The following RSRP1 variants were observed in gnomAD, a reference collection of about 807,000 sequenced individuals.
The protein encoded by RSRP1 is arginine and serine rich protein 1.
A neutral mutation model predicts 33.0 loss-of-function variants in RSRP1; 37 were observed. The ratio of observed to expected loss-of-function variants is 1.12; its 90% CI spans 0.86 to 1.48. The LOEUF is 1.48. RSRP1 is among the 40% of genes most tolerant of loss of function. RSRP1 has a pLI of 0.00. For missense variants in RSRP1, 402 were observed against 385.3 expected (o/e 1.04, Z -0.36); for synonymous variants, 167 against 158.7 (o/e 1.05, Z -0.40).
At chr1:25,286,887 GTC>G in intron 1 of RSRP1, among the ~76,000 whole-genome samples, 1 of 134,608 alleles carries the variant, frequency 7.4e-6, no homozygotes, top group East Asian at 1.9e-4. Flanking sequence ...GAGGTCAGGA[GTC>G]CGAGACCAAC....
rs2986167 is a variant in RSRP1, at chr1:25,300,575, C to T, written c.-67+37403G>A. ...CTGTAATCCCAGCACTTTGGGAGGC[C>T]GAGGCGGGTGGATCGCCTGAGGTCA... On this transcript the variant is annotated intron_variant, in intron 1 of 1. Coordinates refer to the RSRP1 transcript ENST00000561867. 4.7e-5 allele frequency among the ~76,000 whole-genome samples: 6 copies of T among 127,374 alleles called. 2 individuals carry two copies. Among genetic ancestry groups the T allele is most frequent in the African/African-American group, 1.3e-4 (5 of 37,076 alleles). 83.6% of individuals were successfully genotyped at this position (127,374 alleles called of 152,430 possible). A position where few individuals can be genotyped will look rare whatever the true frequency, so the allele number is the denominator to read the frequency against.
In RSRP1 at chr1:25,319,820, G is replaced by A. The variant is rs1400487936; in HGVS notation, c.-67+18158C>T. Among the ~76,000 whole-genome samples, 3 of 132,350 alleles carry A rather than the reference G, an allele frequency of 2.3e-5. 1 individual carries two copies. The highest frequency in any genetic ancestry group is 7.7e-5 in the African/African-American group (3 of 38,906). 86.8% of individuals were successfully genotyped at this position (132,350 alleles called of 152,430 possible). The stretch of plus-strand genomic sequence containing the variant: ...AGATTAGAAATAGCAGATTAGAGGT[G>A]GGCTAGGTTTCTAGAGGTAAAGTAC... On this transcript the variant is annotated intron_variant, in intron 1 of 1. Transcript: ENST00000561867.
At chr1:25,292,573 A>C (rs1239274969) in intron 1 of RSRP1, among the ~76,000 whole-genome samples, 1 of 129,278 alleles carries the variant, frequency 7.7e-6, no homozygotes, top group African/African-American at 2.6e-5. Context: ...TGAGATGGGG[A>C]ATGTTGGGGT....
Position 25,321,366 on chromosome 1 carries a change from T to G in RSRP1, c.-67+16612A>C, listed in dbSNP as rs1289203383. 2.6e-5 allele frequency among the ~76,000 whole-genome samples: 3 copies of G among 115,954 alleles called. 1 individual carries two copies. The highest frequency in any genetic ancestry group is 6.0e-5 in the Non-Finnish European group (3 of 49,822). The allele number at this position is 115,954 out of a possible 152,430, so 76.1% of individuals were successfully genotyped here. On this transcript the variant is annotated intron_variant, in intron 1 of 1. Coordinates refer to the RSRP1 transcript ENST00000561867. ...CTTTTTTTCAAAAAAAAAAAAAAAA[T>G]GTCTACAGAATCGGCCAGGTGTGGT... is the stretch of plus-strand genomic sequence containing the variant.
chr1:25,306,913 C>A lies in RSRP1; in HGVS notation c.-67+31065G>T, dbSNP rs776946740. On this transcript the variant is annotated intron_variant, in intron 1 of 1. Transcript: ENST00000561867. The stretch of plus-strand genomic sequence containing the variant: ...GCCCCTACCTTGGATGGATTTATCA[C>A]CTCTCCAGGCCACCTCTTCTTTCCA... 41 of 633,456 alleles carry A rather than the reference C, an allele frequency of 6.5e-5. 9 individuals are homozygous for A. Among genetic ancestry groups the A allele is most frequent in the Non-Finnish European group, 1.0e-4 (35 of 346,460 alleles). 39.2% of individuals were successfully genotyped at this position (633,456 alleles called of 1,614,324 possible).
At chr1:25,288,431 C>T (rs1642229779) in intron 1 of RSRP1, among the ~76,000 whole-genome samples, 1 of 128,392 alleles carries the variant, frequency 7.8e-6, no homozygotes, top group Admixed American at 7.6e-5. Flanking sequence ...CCTCCCACCT[C>T]AGCCTCCCAA....
At chr1:25,244,084 C>T (rs951851092) in intron 3 of RSRP1, 121 of 1,206,454 alleles carry the variant, frequency 1.0e-4, no homozygotes, top group Non-Finnish European at 1.2e-4. Flanking sequence ...GCCCCCGAGA[C>T]GGGAGTCTTG....
In RSRP1 at chr1:25,294,338, A is replaced by G; in HGVS notation, c.-67+43640T>C. The G allele has an allele frequency of 2.8e-6, 3 of 1,084,850 alleles. 1 individual carries two copies. Among genetic ancestry groups the G allele is most frequent in the South Asian group, 1.3e-5 (1 of 79,498 alleles). The allele number at this position is 1,084,850 out of a possible 1,614,324, so 67.2% of individuals were successfully genotyped here. A position where few individuals can be genotyped will look rare whatever the true frequency, so the allele number is the denominator to read the frequency against. On this transcript the variant is annotated intron_variant, in intron 1 of 1. Transcript: ENST00000561867. ...CAACTTGTCCAAGGCCCCAGTGACC[A>G]TGAAGAGTGAGGGCTGCAGCCAGGG...
Position 25,293,074 on chromosome 1 carries a change from G to A in RSRP1, c.-67+44904C>T, listed in dbSNP as rs529665476. ...TTGGCCAGGAGACCTTGGCATGCAT[G>A]GTTGTAGAGGAGGATGAAGGCAACA... On this transcript the variant is annotated intron_variant, in intron 1 of 1. Transcript: ENST00000561867. Among the ~76,000 whole-genome samples the A allele has an allele frequency of 3.8e-5, 5 of 131,442 alleles. 2 individuals carry two copies. Among genetic ancestry groups the A allele is most frequent in the Non-Finnish European group, 8.9e-5 (5 of 55,900 alleles). The allele number at this position is 131,442 out of a possible 152,430, so 86.2% of individuals were successfully genotyped here. A position where few individuals can be genotyped will look rare whatever the true frequency, so the allele number is the denominator to read the frequency against.
intron 1 of RSRP1, 22 bp from the exon 2 acceptor site, chr1:25,247,051 A>T (rs1353619647): frequency 7.5e-7 from 1 of 1,339,192 alleles, no homozygotes; most frequent in Admixed American, 2.5e-5. Context: ...AGAGAGAAAA[A>T]ACAAGTCGAG....
upstream of RSRP1, among the ~76,000 whole-genome samples, chr1:25,251,463 G>A (rs923469046): frequency 8.6e-5 from 13 of 151,506 alleles, no homozygotes; most frequent in African/African-American, 2.9e-4. Flanking sequence ...TCTGCCTCCC[G>A]GATTCAAGCA....
intron 1 of RSRP1, among the ~76,000 whole-genome samples, chr1:25,295,797 T>A (rs2986163): frequency 0.82 from 79,310 of 97,284 alleles, 33,962 homozygotes; most frequent in South Asian, 0.91. Flanking sequence ...TCAAGGGAGC[T>A]GGGGATGTTT....
rs1177985075 is a variant in RSRP1 at position 25,267,823 on chromosome 1, A to T, written c.-66-20794T>A. The stretch of plus-strand genomic sequence containing the variant: ...AGAGCAACTTCTCACGCCTACTCTC[A>T]AATGGCGTACTCCAAACTAGCACTC... On this transcript the variant is annotated intron_variant, in intron 1 of 1. Transcript: ENST00000561867. 3 of 131,032 alleles carry T rather than the reference A, an allele frequency of 2.3e-5. 1 individual carries two copies. The highest frequency in any genetic ancestry group is 5.4e-5 in the Non-Finnish European group (3 of 55,282). The allele number at this position is 131,032 out of a possible 1,614,324, so 8.1% of individuals were successfully genotyped here.
At chr1:25,248,938 C>G (rs1421550315), upstream of RSRP1, among the ~76,000 whole-genome samples, 1 of 152,158 alleles carries the variant, frequency 6.6e-6, no homozygotes, top group Non-Finnish European at 1.5e-5. Context: ...CACCTAAGAT[C>G]AGGAGTTCGA....
At chr1:25,243,676 T>C in intron 3 of RSRP1, 43 bp from the exon 4 acceptor site, 1 of 1,605,722 alleles carries the variant, frequency 6.2e-7, no homozygotes, top group Admixed American at 1.7e-5. Flanking sequence ...ACACATACCC[T>C]TGGTTTCTAA....
chr1:25,244,121 G>A, intron 3 of RSRP1: 2 of 1,279,852 alleles, frequency 1.6e-6, no homozygotes, highest in East Asian at 5.6e-5. Context: ...GGAGTGAAAA[G>A]TACAGTGCAA....
rs559288742 is a variant in RSRP1 at position 25,298,254 on chromosome 1, G to A, written c.-67+39724C>T. 4.5e-5 allele frequency among the ~76,000 whole-genome samples: 5 copies of A among 109,986 alleles called. No individual in the cohort carries two copies. The East Asian group carries it at 1.0e-3, about 23-fold the overall frequency. The allele number at this position is 109,986 out of a possible 152,430, so 72.2% of individuals were successfully genotyped here. On this transcript the variant is annotated intron_variant, in intron 1 of 1. Transcript: ENST00000561867. ...TCAAGAAGAGGAGTAAATTTCAGAG[G>A]CAGAACACTCCCTGTGAGCCCGAAC...
rs759275286 is a variant in RSRP1 at position 25,243,667 on chromosome 1, C to A, written c.673-34G>T. On this transcript the variant is annotated intron_variant, in intron 3 of 4. Coordinates refer to ENST00000243189, the MANE Select transcript of RSRP1 (RefSeq NM_020317.5). ...GTTAAGAAAAAGTGTAATTTTAAAA[C>A]ACATACCCTTGGTTTCTAAATCCTA... The A allele has an allele frequency of 8.7e-6, 14 of 1,609,632 alleles. No individual in the cohort carries two copies. The African/African-American group carries it at 1.6e-4, about 18-fold the overall frequency.
intron 1 of RSRP1, chr1:25,321,802 C>G: frequency 4.2e-6 from 3 of 707,110 alleles, no homozygotes; most frequent in South Asian, 3.1e-5. Context: ...GAGATACTGT[C>G]GTTTTGACAC....
Sources: gnomAD v4.1 joint callset for allele counts (sites outside exome capture counted in the v4.1 genomes callset) on GRCh38, gnomAD v4.1.1 for gene constraint, MANE v1.5 for transcripts, NCBI Gene and HGNC (gene_info 2026-07-23, HGNC 2026-07-21) for gene names.